TAL1: variants seen among roughly 807,000 people sequenced by gnomAD.
The protein encoded by TAL1 is T-cell acute lymphocytic leukemia protein 1.
TAL1 carries 8 observed loss-of-function variants against 17.9 expected under a neutral mutation model. The observed-to-expected ratio is 0.45, with a 90% CI of 0.26 to 0.81. TAL1 has a LOEUF of 0.81. Among genes scored for constraint, TAL1 ranks in the 30% least tolerant of loss-of-function variants. The pLI is 0.17. For synonymous variants in TAL1, 223 were observed against 218.6 expected (o/e 1.02, Z -0.18); for missense variants, 466 against 486.9 (o/e 0.96, Z 0.40).
exon 4 of TAL1, chr1:47,218,577 T>G (rs1217929498): frequency 8.6e-6 from 2 of 232,836 alleles, no homozygotes; most frequent in Non-Finnish European, 1.7e-5. Flanking sequence ...TATGTTTGGG[T>G]CTTAGCCAGG....
At position 47,223,956 on chromosome 1, in the gene TAL1, C is replaced by T. The variant is rs1431624611; in HGVS notation, c.541+48G>A. On this transcript the variant is annotated intron_variant, in intron 3 of 3. Coordinates refer to ENST00000294339, the Ensembl canonical transcript of TAL1. ...CAGATGTTCCCTCCTCCAGAGGGCT[C>T]TAACCAGCGTGAGGGGCAGGTACAA... 1.9e-6 allele frequency: 3 copies of T among 1,568,740 alleles called. No individual in the cohort carries two copies. The South Asian group carries it at 3.3e-5, about 17-fold the overall frequency.
At chr1:47,216,934 A>T (rs1045830362) in exon 4 of TAL1, 1 of 232,286 alleles carries the variant, frequency 4.3e-6, no homozygotes, top group Non-Finnish European at 8.5e-6. Flanking sequence ...AAAATTACAG[A>T]TCTTCTTTAG....
In TAL1 at chr1:47,218,088, C is replaced by T. The variant is rs74074030; in HGVS notation, c.*1632G>A. ...GAGGACAAGCCACTAGGCTGAAGCCCAAACTATAAGGGGGGGCTTTCCAGA... is the reference window on the plus strand; with the variant it reads ...GAGGACAAGCCACTAGGCTGAAGCCTAAACTATAAGGGGGGGCTTTCCAGA... On this transcript the variant is annotated 3_prime_UTR_variant, in exon 4 of 4. Coordinates refer to ENST00000294339, the Ensembl canonical transcript of TAL1. 947 of 267,960 alleles carry T rather than the reference C, an allele frequency of 3.5e-3. 14 individuals are homozygous for T. The highest frequency in any genetic ancestry group is 0.019 in the African/African-American group (877 of 46,650). The allele number at this position is 267,960 out of a possible 1,614,324, so 16.6% of individuals were successfully genotyped here.
At chr1:47,225,575 G>C in exon 2 of TAL1, 1 of 1,283,988 alleles carries the variant, frequency 7.8e-7, no homozygotes, top group Non-Finnish European at 9.8e-7. Context: ...AACCGAGGCG[G>C]GCGCGGGGGC....
intron 1 of TAL1, chr1:47,228,860 G>A (rs1384288215): frequency 6.3e-6 from 1 of 157,702 alleles, no homozygotes; most frequent in Non-Finnish European, 1.4e-5. Flanking sequence ...TCCTCCTGCG[G>A]GAGCTCCAGG....
At chr1:47,223,871 C>A (rs74074033) in intron 3 of TAL1, 133 bp downstream of exon 4, 5 of 841,358 alleles carry the variant, frequency 5.9e-6, no homozygotes, top group South Asian at 3.1e-5. Context: ...TGAAGGGCTT[C>A]GGCAGTTTGG....
In TAL1 at chr1:47,219,739, T is replaced by C. The variant is rs748794581; in HGVS notation, c.977A>G (p.Asp326Gly). 5.6e-6 allele frequency: 9 copies of C among 1,610,074 alleles called. No individual in the cohort carries two copies. The South Asian group carries it at 8.8e-5, about 16-fold the overall frequency. ...GACCCATCACCGAGGGCCGGCTCCA[T>C]CGGCGGCAGGCAGCATGGCAGGATG... Residue 326 changes from aspartate to glycine, a missense_variant, in exon 4 of 4, where the codon GAT becomes GGT. Around this residue, in one of 5 missense-constraint regions of TAL1, gnomAD observed 134 missense variants for 122.0 expected, o/e 1.10. Coordinates refer to ENST00000294339, the Ensembl canonical transcript of TAL1.
exon 1 of TAL1, chr1:47,229,222 CCTCTG>C (rs1359209990): frequency 5.0e-6 from 1 of 198,782 alleles, no homozygotes; most frequent in African/African-American, 2.3e-5. Flanking sequence ...GAGACCGGCC[CCTCTG>C]AATAGGATCT....
chr1:47,216,878 G>T (rs1645505712), exon 4 of TAL1: 2 of 231,644 alleles, frequency 8.6e-6, no homozygotes, highest in Non-Finnish European at 1.7e-5. Flanking sequence ...TGGGTAACAA[G>T]GAAGGAGAGG....
chr1:47,217,163 T>G (rs1048857259), exon 4 of TAL1: 2 of 243,144 alleles, frequency 8.2e-6, no homozygotes, highest in African/African-American at 4.4e-5. Context: ...GAGAATTGCC[T>G]GAAGCCAGGA....
intron 3 of TAL1, 45 bp downstream of exon 4, chr1:47,223,959 A>T: frequency 6.3e-7 from 1 of 1,576,432 alleles, no homozygotes; most frequent in Middle Eastern, 1.7e-4. Flanking sequence ...GAGGGCTCTA[A>T]CCAGCGTGAG....
intron 2 of TAL1, among the ~76,000 whole-genome samples, chr1:47,224,944 TC>T: frequency 6.6e-6 from 1 of 152,286 alleles, no homozygotes; most frequent in East Asian, 1.9e-4. Flanking sequence ...CAGCAGAGAT[TC>T]GGGGGAGGGT....
In TAL1 at chr1:47,223,993, G is replaced by A. The variant is rs1643871450; in HGVS notation, c.541+11C>T. The A allele has an allele frequency of 3.1e-6, 5 of 1,612,844 alleles. No homozygotes were observed. Among genetic ancestry groups the A allele is most frequent in the Non-Finnish European group, 4.2e-6 (5 of 1,179,238 alleles). On this transcript the variant is annotated intron_variant, in intron 3 of 3. Transcript: ENST00000294339. ...AGGGGCAGGTACAACGGTGGGGTGG[G>A]GCAGACTCACCATCAGTAATCTCCA...
At chr1:47,226,251 A>C in intron 1 of TAL1, 1 of 262,248 alleles carries the variant, frequency 3.8e-6, no homozygotes, top group East Asian at 7.8e-5. Flanking sequence ...GGAGGCAAGA[A>C]AGAGATTACT....
At chr1:47,220,005 G>T in exon 4 of TAL1, 1 of 1,610,124 alleles carries the variant, frequency 6.2e-7, no homozygotes, top group Non-Finnish European at 8.5e-7. Flanking sequence ...TGGCCAAGAA[G>T]TTGATATACT....
exon 2 of TAL1, chr1:47,225,540 G>C (rs999303011): frequency 2.4e-6 from 3 of 1,270,124 alleles, no homozygotes; most frequent in Non-Finnish European, 3.0e-6. Flanking sequence ...TGCACCATGC[G>C]GCCGTCGCCG....
At chr1:47,232,098 G>A, upstream of TAL1, 1 of 230,090 alleles carries the variant, frequency 4.3e-6, no homozygotes. Context: ...AAAAGAGGAG[G>A]AAATTGATGA....
intron 1 of TAL1, chr1:47,227,247 C>A (rs1643927070): frequency 6.6e-6 from 1 of 152,226 alleles, no homozygotes; most frequent in African/African-American, 2.4e-5. Context: ...TCAGGAGACT[C>A]AAGGGCCAGA....
chr1:47,223,543 C>T (rs1557676964), intron 3 of TAL1: 1 of 155,482 alleles, frequency 6.4e-6, no homozygotes, highest in Non-Finnish European at 1.4e-5. Context: ...TTGATGACTC[C>T]ATTGCAGGGA....
Sources: allele counts gnomAD v4.1 joint callset (sites outside exome capture counted in the v4.1 genomes callset), GRCh38; gene constraint gnomAD v4.1.1; regional missense constraint gnomAD v4.1.1; transcripts MANE v1.5; gene names NCBI Gene and HGNC (gene_info 2026-07-23, HGNC 2026-07-21).